The following SNTG1 variants were observed in gnomAD, a reference collection of about 807,000 sequenced individuals.
SNTG1 encodes the protein syntrophin gamma 1.
Under a neutral mutation model 74.7 loss-of-function variants are expected in SNTG1, and 39 were observed. The ratio of observed to expected loss-of-function variants is 0.52; its 90% CI spans 0.40 to 0.68. The LOEUF is 0.68. Ranked by LOEUF, SNTG1 falls within the 30% of genes least tolerant of loss-of-function variation. The pLI is 0.00. For missense variants in SNTG1, 685 were observed against 609.5 expected (o/e 1.12, Z -1.30); for synonymous variants, 254 against 217.1 (o/e 1.17, Z -1.49).
chr8:50,253,650 T>C (rs942253341), intron 2 of SNTG1, among the ~76,000 whole-genome samples: 1 of 144,506 alleles, frequency 6.9e-6, no homozygotes, highest in South Asian at 2.2e-4. Flanking sequence ...TATACACACA[T>C]ATATATGTAT....
intron 2 of SNTG1, among the ~76,000 whole-genome samples, chr8:50,363,045 A>G (rs2092005197): frequency 6.6e-6 from 1 of 152,212 alleles, no homozygotes; most frequent in Non-Finnish European, 1.5e-5. Context: ...ACTTAAAAAA[A>G]AGAAAGAAAT....
intron 13 of SNTG1, among the ~76,000 whole-genome samples, chr8:50,655,984 A>G (rs973830604): frequency 6.6e-6 from 1 of 152,146 alleles, no homozygotes; most frequent in Non-Finnish European, 1.5e-5. Flanking sequence ...AGCACAAGAT[A>G]CTAAGCTAAC....
chr8:50,046,089 T>G (rs528501223), intron 1 of SNTG1, among the ~76,000 whole-genome samples: 2 of 152,244 alleles, frequency 1.3e-5, no homozygotes, highest in African/African-American at 4.8e-5. Flanking sequence ...TGTGATCTAA[T>G]AAAATTGTAT....
chr8:49,941,639 C>T (rs927161383), intron 1 of SNTG1, among the ~76,000 whole-genome samples: 3 of 151,936 alleles, frequency 2.0e-5, no homozygotes, highest in Non-Finnish European at 4.4e-5. Context: ...TGAGTGAGCC[C>T]CTCTGGGCTC....
At chr8:49,958,709 A>G (rs753728562) in intron 1 of SNTG1, among the ~76,000 whole-genome samples, 62 of 152,324 alleles carry the variant, frequency 4.1e-4, no homozygotes, top group African/African-American at 9.6e-4. Context: ...GTGAGCCACT[A>G]CGCCCAGCCA....
chr8:50,204,982 G>A (rs1472569849), intron 2 of SNTG1, among the ~76,000 whole-genome samples: 3 of 152,098 alleles, frequency 2.0e-5, no homozygotes, highest in African/African-American at 7.2e-5. Context: ...ATGGACATTT[G>A]GGTTGGTTCC....
intron 2 of SNTG1, among the ~76,000 whole-genome samples, chr8:50,273,859 G>A (rs780496998): frequency 4.6e-5 from 7 of 152,144 alleles, no homozygotes; most frequent in Non-Finnish European, 8.8e-5. Flanking sequence ...ATATTTAATG[G>A]AGGATGTCCT....
intron 8 of SNTG1, among the ~76,000 whole-genome samples, chr8:50,474,161 A>C (rs1227412339): frequency 6.6e-6 from 1 of 152,146 alleles, no homozygotes; most frequent in Non-Finnish European, 1.5e-5. Context: ...GGACATAGGC[A>C]TGGGCAAGGA....
chr8:50,694,189 A>G lies in SNTG1; in HGVS notation c.1039-10411A>G, dbSNP rs117218610. On this transcript the variant is annotated intron_variant, in intron 15 of 18. Coordinates refer to ENST00000642720, the MANE Select transcript of SNTG1 (RefSeq NM_018967.5). ...TTTGAAAAAATGTATCATATTCACA[A>G]CCTTTAGCTAAACTAAGAAAAAAGA... 8.1e-3 allele frequency among the ~76,000 whole-genome samples: 1,229 copies of G among 151,994 alleles called. 5 individuals are homozygous for G. The highest frequency in any genetic ancestry group is 0.013 in the Non-Finnish European group (851 of 67,928).
chr8:50,610,366 G>T (rs2094841663), intron 13 of SNTG1, among the ~76,000 whole-genome samples: 1 of 152,122 alleles, frequency 6.6e-6, no homozygotes, highest in Non-Finnish European at 1.5e-5. Flanking sequence ...AGTGCAGCCA[G>T]TTCTCAAGTT....
chr8:50,669,036 C>A (rs568057793), intron 15 of SNTG1, among the ~76,000 whole-genome samples: 21 of 152,058 alleles, frequency 1.4e-4, no homozygotes, highest in African/African-American at 4.1e-4. Context: ...ACATTCAAAG[C>A]AGAGTGTAGA....
At chr8:50,337,611 C>T (rs937690577) in intron 2 of SNTG1, among the ~76,000 whole-genome samples, 1 of 152,160 alleles carries the variant, frequency 6.6e-6, no homozygotes, top group African/African-American at 2.4e-5. Context: ...GAAATAACCC[C>T]TTGAAGACCC....
chr8:49,952,361 G>A (rs117791647), intron 1 of SNTG1, among the ~76,000 whole-genome samples: 4 of 152,264 alleles, frequency 2.6e-5, no homozygotes, highest in Non-Finnish European at 5.9e-5. Flanking sequence ...CCCTCTAAGG[G>A]TGAGAACCGA....
intron 2 of SNTG1, among the ~76,000 whole-genome samples, chr8:50,342,509 C>T (rs1317197243): frequency 6.6e-6 from 1 of 152,028 alleles, no homozygotes; most frequent in African/African-American, 2.4e-5. Context: ...AAATGTTTTG[C>T]TAAGTAAGGC....
chr8:50,669,270 A>T (rs1166909378), intron 15 of SNTG1, among the ~76,000 whole-genome samples: 1 of 152,078 alleles, frequency 6.6e-6, no homozygotes, highest in Non-Finnish European at 1.5e-5. Flanking sequence ...TTTTCAAAGG[A>T]TCAACAAAAT....
At chr8:50,297,547 T>C (rs570099691) in intron 2 of SNTG1, among the ~76,000 whole-genome samples, 11 of 152,172 alleles carry the variant, frequency 7.2e-5, no homozygotes, top group Middle Eastern at 3.4e-3. Flanking sequence ...AAAATAAGGG[T>C]GACTTGGACA....
At chr8:50,617,394 A>T (rs956943635) in intron 13 of SNTG1, among the ~76,000 whole-genome samples, 1 of 151,980 alleles carries the variant, frequency 6.6e-6, no homozygotes, top group African/African-American at 2.4e-5. Flanking sequence ...ACACACACAC[A>T]CACACACACA....
rs540866173 is a variant in SNTG1, at chr8:50,450,104, T to C, written c.277+379T>C. 1.4e-4 allele frequency among the ~76,000 whole-genome samples: 21 copies of C among 152,356 alleles called. 1 individual carries two copies. The South Asian group carries it at 4.4e-3, about 32-fold the overall frequency. On this transcript the variant is annotated intron_variant, in intron 6 of 18. Coordinates refer to ENST00000642720, the MANE Select transcript of SNTG1 (RefSeq NM_018967.5). ...ATTTGCAATTTTACTCAGCTAACCA[T>C]TCATAAGAAACTGTAGGAAAAATAA...
intron 1 of SNTG1, among the ~76,000 whole-genome samples, chr8:49,919,258 T>A (rs1397070434): frequency 6.6e-6 from 1 of 152,130 alleles, no homozygotes; most frequent in Non-Finnish European, 1.5e-5. Flanking sequence ...AAGGGAATAT[T>A]ACATATTGGG....
Sources: gnomAD v4.1 joint callset for allele counts (sites outside exome capture counted in the v4.1 genomes callset) on GRCh38, gnomAD v4.1.1 for gene constraint, MANE v1.5 for transcripts, NCBI Gene and HGNC (gene_info 2026-07-23, HGNC 2026-07-21) for gene names.